Variants in SPATA6L observed in about 807,000 individuals in gnomAD.
The protein encoded by SPATA6L is spermatogenesis associated 6-like protein.
In SPATA6L, 68 loss-of-function variants were observed where a neutral mutation model predicts 49.2. The observed-to-expected ratio is 1.38, with a 90% CI of 1.14 to 1.69. The LOEUF is 1.69. Among genes scored for constraint, SPATA6L ranks in the 40% most tolerant of loss-of-function variants. The pLI is 0.00. For synonymous variants in SPATA6L, 198 were observed against 165.7 expected (o/e 1.19, Z -1.50); for missense variants, 668 against 464.3 (o/e 1.44, Z -4.03).
rs1821806344 is a variant in SPATA6L at position 4,590,059 on chromosome 9, G to A, written c.*255-1098C>T. ...CCGCCTCAGCCTCCCAAGTAACTGA[G>A]ATTACAGGTGTGCACCACCACGCCC... On this transcript the variant is annotated intron_variant and NMD_transcript_variant, in intron 13 of 13. Transcript: ENST00000461761. 2.0e-5 allele frequency among the ~76,000 whole-genome samples: 3 copies of A among 152,256 alleles called. No homozygotes were observed. The South Asian group carries it at 6.2e-4, about 32-fold the overall frequency.
chr9:4,604,678 G>A (rs1824271877), intron 10 of SPATA6L, among the ~76,000 whole-genome samples: 1 of 152,198 alleles, frequency 6.6e-6, no homozygotes, highest in Non-Finnish European at 1.5e-5. Flanking sequence ...AGTTTTAAGT[G>A]TCATCCTGCA....
chr9:4,604,231 T>A lies in SPATA6L; in HGVS notation c.1128A>T (p.Arg376Ser). 1 of 1,612,256 alleles carries A rather than the reference T, an allele frequency of 6.2e-7. No homozygotes were observed. Residue 376 changes from arginine (R) to serine (S), a missense_variant, in exon 11 of 12, where the codon AGA becomes AGT. Coordinates refer to ENST00000682582, the MANE Select transcript of SPATA6L (RefSeq NM_001353486.2). ...AGTATTTCTTCAGAGGGTAGCTTGG[T>A]CTTTCAATGATATAATTTACTTCAG... The part of the protein sequence containing the change: ...STSEVNYIIE[R>S]PSYPLKKYSL...
intron 9 of SPATA6L, among the ~76,000 whole-genome samples, chr9:4,613,385 C>T (rs913534056): frequency 1.3e-5 from 2 of 151,978 alleles, no homozygotes; most frequent in Non-Finnish European, 2.9e-5. Context: ...TGGCTGGTTC[C>T]GGCCCACATC....
chr9:4,650,696 G>A (rs746445873), intron 3 of SPATA6L, among the ~76,000 whole-genome samples: 3 of 152,132 alleles, frequency 2.0e-5, no homozygotes, highest in Non-Finnish European at 4.4e-5. Flanking sequence ...GTCTTGCTCT[G>A]TCGCCCAGGC....
chr9:4,661,634 C>G (rs894795512), intron 2 of SPATA6L, among the ~76,000 whole-genome samples: 13 of 152,098 alleles, frequency 8.5e-5, no homozygotes, highest in African/African-American at 3.1e-4. Flanking sequence ...GAAATGCTCT[C>G]TTTGCTCCAG....
intron 3 of SPATA6L, among the ~76,000 whole-genome samples, chr9:4,639,105 A>C (rs1833485877): frequency 6.6e-6 from 1 of 152,202 alleles, no homozygotes; most frequent in African/African-American, 2.4e-5. Context: ...TGTAAAGACG[A>C]ATGACAAAGC....
chr9:4,618,334 T>C (rs1828492572), intron 8 of SPATA6L, among the ~76,000 whole-genome samples: 2 of 152,084 alleles, frequency 1.3e-5, no homozygotes, highest in Admixed American at 1.3e-4. Context: ...ATGTTTGGGA[T>C]ATATTAAAAA....
intron 7 of SPATA6L, among the ~76,000 whole-genome samples, chr9:4,620,804 G>T (rs1480011414): frequency 6.6e-6 from 1 of 152,188 alleles, no homozygotes; most frequent in Non-Finnish European, 1.5e-5. Context: ...AATAGAGCCT[G>T]CATTAAACCC....
intron 11 of SPATA6L, among the ~76,000 whole-genome samples, chr9:4,602,162 C>T (rs1419446128): frequency 8.6e-5 from 13 of 151,362 alleles, no homozygotes; most frequent in African/African-American, 2.9e-4. Flanking sequence ...CTTTTCTTAC[C>T]TTCTCTCTAT....
rs1185735023 is a variant in SPATA6L, at chr9:4,604,882, AC to A, written c.1089+464del. ...CCAATGGATCAGAAGCACTCCCCAT[AC>A]CCCTGTAAAAGTCATACAGCCAAAA... On this transcript the variant is annotated intron_variant, in intron 10 of 11. Transcript: ENST00000682582. Among the ~76,000 whole-genome samples the A allele has an allele frequency of 1.5e-4, 23 of 152,216 alleles. No individual in the cohort carries two copies. The South Asian group carries it at 3.9e-3, about 26-fold the overall frequency.
intron 9 of SPATA6L, among the ~76,000 whole-genome samples, chr9:4,612,338 A>G (rs746660286): frequency 1.3e-5 from 2 of 152,146 alleles, no homozygotes; most frequent in Non-Finnish European, 2.9e-5. Flanking sequence ...TAGGCCACCC[A>G]GACTCCAAAC....
intron 3 of SPATA6L, among the ~76,000 whole-genome samples, chr9:4,650,584 AAAAAGAG>A (rs1836591440): frequency 6.6e-6 from 1 of 152,244 alleles, no homozygotes; most frequent in Non-Finnish European, 1.5e-5. Flanking sequence ...CTAACCAAGA[AAAAAGAG>A]AAAAGACTCA....
intron 13 of SPATA6L, among the ~76,000 whole-genome samples, chr9:4,589,660 GCTGAGATGTACCTT>G (rs890469294): frequency 6.6e-6 from 1 of 152,186 alleles, no homozygotes; most frequent in African/African-American, 2.4e-5. Context: ...GCTGTGTGAA[GCTGAGATGTACCTT>G]CACATAACAC....
In SPATA6L at chr9:4,604,239, T is replaced by A. The variant is rs773024116; in HGVS notation, c.1120A>T (p.Ile374Phe). Residue 374 changes from isoleucine to phenylalanine, a missense_variant, in exon 11 of 12, where the codon ATT becomes TTT. Physicochemically the swap from Ile to Phe is conservative, Grantham distance 21 (BLOSUM62 0). Coordinates refer to ENST00000682582, the MANE Select transcript of SPATA6L (RefSeq NM_001353486.2). The part of the protein sequence containing the change: ...EDSTSEVNYI[I>F]ERPSYPLKKY... The stretch of plus-strand genomic sequence containing the variant: ...TTCAGAGGGTAGCTTGGTCTTTCAA[T>A]GATATAATTTACTTCAGAGGTAGAA... 6.2e-7 allele frequency: 1 copy of A among 1,611,682 alleles called. No individual in the cohort carries two copies. Among genetic ancestry groups the A allele is most frequent in the Non-Finnish European group, 8.5e-7 (1 of 1,178,266 alleles).
chr9:4,655,964 A>G, intron 3 of SPATA6L, 77 bp downstream of exon 3: 1 of 1,132,148 alleles, frequency 8.8e-7, no homozygotes. Context: ...CACAGTTTAG[A>G]AAAGAGCAGA....
chr9:4,654,738 C>G (rs908332677), intron 3 of SPATA6L, among the ~76,000 whole-genome samples: 2 of 152,176 alleles, frequency 1.3e-5, no homozygotes, highest in Non-Finnish European at 2.9e-5. Flanking sequence ...CCGTGTCGTT[C>G]TGCCAGTGCC....
chr9:4,643,770 C>T (rs12348189), intron 3 of SPATA6L, among the ~76,000 whole-genome samples: 2,716 of 152,156 alleles, frequency 0.018, 44 homozygotes, highest in Middle Eastern at 0.031. Flanking sequence ...TCTGGGAGGC[C>T]GAAGCAGGCA....
At chr9:4,655,544 GT>G (rs1317759525) in intron 3 of SPATA6L, among the ~76,000 whole-genome samples, 1 of 149,606 alleles carries the variant, frequency 6.7e-6, no homozygotes, top group African/African-American at 2.5e-5. Flanking sequence ...TAGTTTTTTT[GT>G]TTTTTTGTTG....
intron 3 of SPATA6L, among the ~76,000 whole-genome samples, chr9:4,638,917 T>C (rs376960058): frequency 5.3e-5 from 8 of 151,984 alleles, no homozygotes; most frequent in African/African-American, 1.7e-4. Context: ...CCCGAGTAAC[T>C]GGGACTACAG....
Sources: allele counts gnomAD v4.1 joint callset (sites outside exome capture counted in the v4.1 genomes callset), GRCh38; gene constraint gnomAD v4.1.1; transcripts MANE v1.5; gene names NCBI Gene and HGNC (gene_info 2026-07-23, HGNC 2026-07-21).